The following MACC1 variants were observed in gnomAD, a reference collection of about 807,000 sequenced individuals.
MACC1 encodes MET transcriptional regulator MACC1, also known as metastasis-associated in colon cancer protein 1.
A neutral mutation model predicts 70.7 loss-of-function variants in MACC1; 79 were observed. The observed-to-expected ratio is 1.12, with a 90% CI of 0.93 to 1.35. The LOEUF is 1.35. Among genes scored for constraint, MACC1 ranks in the 40% most tolerant of loss-of-function variants. The probability of loss-of-function intolerance (pLI) is 0.00; values close to 1 mark genes in which losing one functional copy is unlikely to be tolerated. For missense variants in MACC1, 1,106 were observed against 978.1 expected, an observed-to-expected ratio of 1.13 and a Z score of -1.74; for synonymous variants, 361 against 347.2, an observed-to-expected ratio of 1.04 and a Z score of -0.44.
intron 3 of MACC1, among the ~76,000 whole-genome samples, chr7:20,163,204 C>T (rs139936757): frequency 1.1e-4 from 16 of 151,952 alleles, no homozygotes; most frequent in East Asian, 1.9e-4. Flanking sequence ...ATTAGGAAAA[C>T]GCAAAATGAA....
chr7:20,211,189 T>C (rs916464419), intron 1 of MACC1, among the ~76,000 whole-genome samples: 1 of 152,152 alleles, frequency 6.6e-6, no homozygotes, highest in Non-Finnish European at 1.5e-5. Flanking sequence ...TTACTAACTA[T>C]TAACATAAGG....
At chr7:20,155,454 T>C (rs1782042255) in intron 5 of MACC1, among the ~76,000 whole-genome samples, 2 of 152,180 alleles carry the variant, frequency 1.3e-5, no homozygotes, top group Admixed American at 1.3e-4. Context: ...AAATGTTATG[T>C]GAATGTGGCC....
In MACC1 at chr7:20,154,204, C is replaced by T. The variant is rs1450492298; in HGVS notation, c.2335G>A (p.Val779Ile). Reference sequence around the variant, plus strand: ...AACAGAAGTCTTACCTCAACAGCAACATCTCCAGTGTTTCCTCGATGAGGA... The same window carrying T: ...AACAGAAGTCTTACCTCAACAGCAATATCTCCAGTGTTTCCTCGATGAGGA... ...EIPHRGNTGDVAVEMMWKPAY... is the reference protein window; with the variant it reads ...EIPHRGNTGDIAVEMMWKPAY... The change falls in exon 6 of 7, where the codon GTT (valine) becomes ATT (isoleucine). Residue 779 changes from valine (V) to isoleucine (I), a missense_variant. Coordinates refer to ENST00000400331, the MANE Select transcript of MACC1 (RefSeq NM_182762.4). The T allele has an allele frequency of 6.2e-7, 1 of 1,613,902 alleles. No homozygotes were observed. Among genetic ancestry groups the T allele is most frequent in the East Asian group, 2.2e-5 (1 of 44,870 alleles).
chr7:20,202,633 A>C (rs1170192924), intron 1 of MACC1, among the ~76,000 whole-genome samples: 1 of 152,190 alleles, frequency 6.6e-6, no homozygotes, highest in Admixed American at 6.5e-5. Context: ...AGAACCAAAA[A>C]CTTTTTGATT....
intron 4 of MACC1, among the ~76,000 whole-genome samples, 165 bp downstream of exon 4, chr7:20,161,583 G>C (rs1018259666): frequency 5.9e-5 from 9 of 151,900 alleles, no homozygotes; most frequent in African/African-American, 2.2e-4. Context: ...TCTGTTGGCT[G>C]TGCTATTTTA....
At chr7:20,169,763 G>T (rs553880301) in intron 2 of MACC1, among the ~76,000 whole-genome samples, 8 of 152,152 alleles carry the variant, frequency 5.3e-5, no homozygotes, top group Non-Finnish European at 1.0e-4. Flanking sequence ...CATCTGTAAA[G>T]AACTAAACTA....
At chr7:20,182,106 C>G (rs1782518118) in intron 1 of MACC1, among the ~76,000 whole-genome samples, 1 of 148,456 alleles carries the variant, frequency 6.7e-6, no homozygotes, top group Admixed American at 6.9e-5. Flanking sequence ...AAACCAAACA[C>G]CACGTGTTCT....
chr7:20,140,953 T>A lies in MACC1; in HGVS notation c.2552A>T (p.Glu851Val). Reference sequence around the variant, plus strand: ...AAAACACACGCTTTGTTTCTATACTTCCTCAGAAGTGGAGAATGCAGTTAC... The same window carrying A: ...AAAACACACGCTTTGTTTCTATACTACCTCAGAAGTGGAGAATGCAGTTAC... ...LRVTAFSTSE[E>V]V Residue 851 changes from glutamate (E) to valine (V), a missense_variant, in exon 7 of 7, where the codon GAA (glutamate) becomes GTA (valine). Coordinates refer to ENST00000400331, the MANE Select transcript of MACC1 (RefSeq NM_182762.4). The A allele has an allele frequency of 6.2e-7, 1 of 1,610,778 alleles. No homozygotes were observed. The highest frequency in any genetic ancestry group is 8.5e-7 in the Non-Finnish European group (1 of 1,177,822).
At chr7:20,190,623 G>C (rs1336996266) in intron 1 of MACC1, among the ~76,000 whole-genome samples, 2 of 152,126 alleles carry the variant, frequency 1.3e-5, no homozygotes, top group African/African-American at 2.4e-5. Context: ...TTCTGGAGCA[G>C]TTCATGGCTT....
chr7:20,158,943 G>A lies in MACC1; in HGVS notation c.1418C>T (p.Ser473Phe), dbSNP rs1296270512. The A allele has an allele frequency of 3.1e-6, 5 of 1,613,892 alleles. No homozygotes were observed. Among genetic ancestry groups the A allele is most frequent in the Non-Finnish European group, 2.5e-6 (3 of 1,179,964 alleles). ...GTGCATCTCTCTGTGCTCAACTAAA[G>A]AAAATAAAAATTGTTGATGAACTAC... Reference protein sequence around the residue: ...GEVVHQQFLFSLVEHREMHLF... With the variant: ...GEVVHQQFLFFLVEHREMHLF... Residue 473 changes from serine (S) to phenylalanine (F), a missense_variant, in exon 5 of 7, where the codon TCT becomes TTT. Physicochemically the swap from Ser to Phe is radical, Grantham distance 155. Transcript: ENST00000400331.
intron 1 of MACC1, among the ~76,000 whole-genome samples, chr7:20,214,873 G>A (rs964137957): frequency 3.9e-5 from 6 of 152,086 alleles, no homozygotes; most frequent in Admixed American, 1.3e-4. Context: ...ACTGCTGTAC[G>A]TGAGATACTT....
rs1007616588 is a variant in MACC1, at chr7:20,160,092, C to A, written c.269G>T (p.Arg90Ile). The A allele has an allele frequency of 3.7e-6, 6 of 1,612,336 alleles. No individual in the cohort carries two copies. The highest frequency in any genetic ancestry group is 5.1e-6 in the Non-Finnish European group (6 of 1,179,492). The change falls in exon 5 of 7, where the codon AGA becomes ATA. Residue 90 changes from arginine (R) to isoleucine (I), a missense_variant. Transcript: ENST00000400331. The stretch of plus-strand genomic sequence containing the variant: ...TTCCTTTAAGATGGAAATATTATTT[C>A]TCTTCCTGTTATTTCTTAGTTGAGT... ...DITQLRNNRK[R>I]NNISILKEDP...
At chr7:20,191,015 A>C (rs889855814) in intron 1 of MACC1, among the ~76,000 whole-genome samples, 1 of 152,218 alleles carries the variant, frequency 6.6e-6, no homozygotes, top group Admixed American at 6.5e-5. Flanking sequence ...ATTCTGTCAC[A>C]CTACTTGCAC....
intron 1 of MACC1, among the ~76,000 whole-genome samples, chr7:20,214,109 C>A (rs1270911844): frequency 6.6e-6 from 1 of 152,016 alleles, no homozygotes; most frequent in Non-Finnish European, 1.5e-5. Flanking sequence ...ATTCCCTATG[C>A]TCCAATCCTC....
At chr7:20,171,481 C>T (rs563560274) in intron 1 of MACC1, among the ~76,000 whole-genome samples, 20 of 151,950 alleles carry the variant, frequency 1.3e-4, no homozygotes, top group African/African-American at 4.6e-4. Context: ...GTCTCGATCT[C>T]CTGACCTTGT....
intron 1 of MACC1, among the ~76,000 whole-genome samples, chr7:20,174,830 T>C (rs1348877198): frequency 1.3e-5 from 2 of 152,098 alleles, no homozygotes; most frequent in Non-Finnish European, 2.9e-5. Flanking sequence ...TCAAGAACAA[T>C]TTACATCCTT....
rs1403336204 is a variant in MACC1 at position 20,140,601 on chromosome 7, G to T, written c.*345C>A. 11 of 191,862 alleles carry T rather than the reference G, an allele frequency of 5.7e-5. No homozygotes were observed. Among genetic ancestry groups the T allele is most frequent in the Non-Finnish European group, 1.1e-5 (1 of 94,914 alleles). The allele number at this position is 191,862 out of a possible 1,614,324, so 11.9% of individuals were successfully genotyped here. ...GTAAATTTAAAATAACACTGAAAGA[G>T]AGAGAGGGCACTTTTCTTTTTTCTT... On this transcript the variant is annotated 3_prime_UTR_variant, in exon 7 of 7. Coordinates refer to ENST00000400331, the MANE Select transcript of MACC1 (RefSeq NM_182762.4).
intron 1 of MACC1, among the ~76,000 whole-genome samples, chr7:20,215,078 GTTTATTTATTTA>G (rs10604824): frequency 2.6e-4 from 38 of 147,374 alleles, no homozygotes; most frequent in South Asian, 8.7e-4. Context: ...TACATCTCAA[GTTTATTTATTTA>G]TTTATTTATT....
In MACC1 at chr7:20,168,382, T is replaced by C. The variant is rs145559675; in HGVS notation, c.-153+2332A>G. Among the ~76,000 whole-genome samples, 503 of 152,296 alleles carry C rather than the reference T, an allele frequency of 3.3e-3. 6 individuals are homozygous for C. The highest frequency in any genetic ancestry group is 0.012 in the African/African-American group (478 of 41,552). On this transcript the variant is annotated intron_variant, in intron 2 of 6. Coordinates refer to ENST00000400331, the MANE Select transcript of MACC1 (RefSeq NM_182762.4). ...AAACATCATGCTGTAAATTCCAGTA[T>C]ACCTATTAGCAGTAGTCCACACATT...
Sources: allele counts gnomAD v4.1 joint callset (sites outside exome capture counted in the v4.1 genomes callset), GRCh38; gene constraint gnomAD v4.1.1; transcripts MANE v1.5; gene names NCBI Gene and HGNC (gene_info 2026-07-23, HGNC 2026-07-21).